The following TBC1D19 variants were observed in gnomAD, a reference collection of about 807,000 sequenced individuals.
TBC1D19 encodes TBC1 domain family member 19.
In TBC1D19, 60 loss-of-function variants were observed where a neutral mutation model predicts 89.0. The ratio of observed to expected loss-of-function variants is 0.67; its 90% CI spans 0.55 to 0.84. TBC1D19 has a LOEUF of 0.84. Among genes scored for constraint, TBC1D19 ranks in the 40% least tolerant of loss-of-function variants. The probability of loss-of-function intolerance (pLI) is 0.00; values close to 1 mark genes in which losing one functional copy is unlikely to be tolerated. For missense variants in TBC1D19, 500 were observed against 610.8 expected (o/e 0.82, Z 1.91); for synonymous variants, 189 against 199.7 (o/e 0.95, Z 0.45).
intron 7 of TBC1D19, among the ~76,000 whole-genome samples, chr4:26,640,910 T>G (rs981096025): frequency 1.3e-5 from 2 of 152,008 alleles, no homozygotes; most frequent in Non-Finnish European, 2.9e-5. Context: ...TCGAACTGGG[T>G]GGAGCCCACC....
chr4:26,701,528 G>A (rs944098992), intron 13 of TBC1D19, among the ~76,000 whole-genome samples: 7 of 151,840 alleles, frequency 4.6e-5, no homozygotes, highest in African/African-American at 1.5e-4. Context: ...CCTTAACATC[G>A]TGTACTTGTT....
At chr4:26,765,753 C>T in the TBC1D19 span, among the ~76,000 whole-genome samples, 2 of 152,086 alleles carry the variant, frequency 1.3e-5, no homozygotes, top group South Asian at 4.2e-4. Context: ...AGTCTCTGCT[C>T]TATCACTACA....
chr4:26,620,732 A>G, intron 4 of TBC1D19, 44 bp downstream of exon 4: 1 of 1,562,530 alleles, frequency 6.4e-7, no homozygotes, highest in Non-Finnish European at 8.8e-7. Context: ...ATGCCAAGTT[A>G]TGTAATACAG....
At chr4:26,653,610 C>T (rs1298829565) in intron 7 of TBC1D19, among the ~76,000 whole-genome samples, 1 of 152,134 alleles carries the variant, frequency 6.6e-6, no homozygotes, top group Non-Finnish European at 1.5e-5. Context: ...TTGAATTGAT[C>T]CCTTTACCAT....
chr4:26,654,118 C>A (rs1436075899), intron 7 of TBC1D19, among the ~76,000 whole-genome samples: 1 of 152,172 alleles, frequency 6.6e-6, no homozygotes, highest in African/African-American at 2.4e-5. Flanking sequence ...GATTTTATTT[C>A]TCCTTCACTT....
chr4:26,683,457 T>C (rs970762900), intron 11 of TBC1D19, among the ~76,000 whole-genome samples: 1 of 152,226 alleles, frequency 6.6e-6, no homozygotes, highest in East Asian at 1.9e-4. Context: ...TTAGCAAATA[T>C]TGACGGAATA....
At chr4:26,783,657 A>G in the TBC1D19 span, among the ~76,000 whole-genome samples, 1 of 152,238 alleles carries the variant, frequency 6.6e-6, no homozygotes. Context: ...TAAAGGGGGT[A>G]TGCTTTTTGA....
At chr4:26,670,247 A>C (rs2109102217) in intron 9 of TBC1D19, among the ~76,000 whole-genome samples, 1 of 150,740 alleles carries the variant, frequency 6.6e-6, no homozygotes, top group South Asian at 2.1e-4. Flanking sequence ...TATATATATA[A>C]ATGATTTATG....
intron 4 of TBC1D19, among the ~76,000 whole-genome samples, chr4:26,626,366 A>G (rs1742399838): frequency 6.6e-6 from 1 of 152,188 alleles, no homozygotes; most frequent in Non-Finnish European, 1.5e-5. Flanking sequence ...TGTGATAAAT[A>G]TAAGTGCATG....
intron 13 of TBC1D19, among the ~76,000 whole-genome samples, chr4:26,711,401 G>GA (rs974967941): frequency 4.6e-5 from 7 of 151,882 alleles, no homozygotes; most frequent in Admixed American, 1.3e-4. Context: ...TATCACAAAT[G>GA]AAAAAAATTT....
At chr4:26,784,485 T>A in the TBC1D19 span, among the ~76,000 whole-genome samples, 3 of 152,204 alleles carry the variant, frequency 2.0e-5, no homozygotes, top group Non-Finnish European at 4.4e-5. Context: ...CAACCTCAGA[T>A]CTTAGGCTAT....
intron 1 of TBC1D19, among the ~76,000 whole-genome samples, chr4:26,590,272 T>C (rs922151383): frequency 1.3e-5 from 2 of 152,204 alleles, no homozygotes; most frequent in Non-Finnish European, 2.9e-5. Flanking sequence ...TTTTGAATAT[T>C]GTACTGTTTT....
the TBC1D19 span, among the ~76,000 whole-genome samples, chr4:26,822,467 G>A: frequency 6.6e-6 from 1 of 152,194 alleles, no homozygotes; most frequent in Non-Finnish European, 1.5e-5. Context: ...TTCCCAGTGT[G>A]CTGACATTTC....
the TBC1D19 span, among the ~76,000 whole-genome samples, chr4:26,825,384 A>G: frequency 3.9e-5 from 6 of 152,220 alleles, no homozygotes; most frequent in Admixed American, 1.3e-4. Context: ...GGCATGAGCC[A>G]CCACGCCTGG....
the TBC1D19 span, among the ~76,000 whole-genome samples, chr4:26,830,083 C>T: frequency 6.6e-6 from 1 of 152,138 alleles, no homozygotes; most frequent in Non-Finnish European, 1.5e-5. Context: ...CCCACAGTGT[C>T]CATGGCCCAT....
chr4:26,607,148 A>G (rs1741064953), intron 1 of TBC1D19, among the ~76,000 whole-genome samples: 3 of 152,198 alleles, frequency 2.0e-5, no homozygotes, highest in African/African-American at 7.2e-5. Context: ...ATGCAGGACC[A>G]TACCACAAAT....
chr4:26,651,900 T>G (rs1271840783), intron 7 of TBC1D19, among the ~76,000 whole-genome samples: 1 of 152,156 alleles, frequency 6.6e-6, no homozygotes, highest in African/African-American at 2.4e-5. Flanking sequence ...AATACGTAAT[T>G]TATTGAGAGT....
the TBC1D19 span, among the ~76,000 whole-genome samples, chr4:26,833,886 GA>G: frequency 1.3e-5 from 2 of 152,214 alleles, no homozygotes; most frequent in African/African-American, 4.8e-5. Flanking sequence ...CTTTTATGTA[GA>G]AATCTTCCCC....
At chr4:26,826,210 A>G in the TBC1D19 span, among the ~76,000 whole-genome samples, 1 of 152,200 alleles carries the variant, frequency 6.6e-6, no homozygotes, top group Non-Finnish European at 1.5e-5. Context: ...TCAAAAATAA[A>G]AAGTGAAAAA....
Sources: allele counts gnomAD v4.1 joint callset (sites outside exome capture counted in the v4.1 genomes callset), GRCh38; gene constraint gnomAD v4.1.1; transcripts MANE v1.5; gene names NCBI Gene and HGNC (gene_info 2026-07-23, HGNC 2026-07-21).